The following RNF217 variants were observed in gnomAD, a reference collection of about 807,000 sequenced individuals.
RNF217 encodes E3 ubiquitin-protein ligase RNF217.
In RNF217, 31 loss-of-function variants were observed where a neutral mutation model predicts 57.8. That is an observed-to-expected ratio of 0.54 (90% CI 0.40 to 0.72). The LOEUF (loss-of-function observed/expected upper bound fraction) is 0.72, where lower values mean the gene tolerates loss of function less well. Ranked by LOEUF, RNF217 falls within the 30% of genes least tolerant of loss-of-function variation. The pLI is 0.00. For synonymous variants in RNF217, 313 were observed against 294.0 expected, an observed-to-expected ratio of 1.06 and a Z score of -0.66; for missense variants, 696 against 708.3, an observed-to-expected ratio of 0.98 and a Z score of 0.20.
At chr6:125,068,441 T>C (rs1385787000) in intron 3 of RNF217, among the ~76,000 whole-genome samples, 1 of 152,206 alleles carries the variant, frequency 6.6e-6, no homozygotes, top group East Asian at 1.9e-4. Context: ...ATCAAGCTCA[T>C]CTATTGAGTA....
At chr6:124,998,994 A>T (rs1352858462) in intron 1 of RNF217, among the ~76,000 whole-genome samples, 2 of 152,204 alleles carry the variant, frequency 1.3e-5, no homozygotes, top group Non-Finnish European at 2.9e-5. Flanking sequence ...TGTTTTCAAA[A>T]ATAGATACAT....
intron 1 of RNF217, among the ~76,000 whole-genome samples, chr6:124,984,843 C>T (rs928023503): frequency 2.1e-4 from 32 of 151,860 alleles, no homozygotes; most frequent in Non-Finnish European, 4.7e-4. Context: ...GCAAAGAATT[C>T]CTGCAGGGGG....
chr6:125,034,444 A>G (rs887396073), intron 1 of RNF217, among the ~76,000 whole-genome samples: 2 of 152,154 alleles, frequency 1.3e-5, no homozygotes, highest in Non-Finnish European at 2.9e-5. Flanking sequence ...ACCATTTATT[A>G]AATAGGGAAT....
chr6:125,092,502 T>C lies in RNF217; in HGVS notation c.*9565T>C, dbSNP rs1461045288. 6.6e-6 allele frequency: 1 copy of C among 152,214 alleles called. No homozygotes were observed. Among genetic ancestry groups the C allele is most frequent in the Non-Finnish European group, 1.5e-5 (1 of 68,030 alleles). 9.4% of individuals were successfully genotyped at this position (152,214 alleles called of 1,614,324 possible). A position where few individuals can be genotyped will look rare whatever the true frequency, so the allele number is the denominator to read the frequency against. ...ACTCGGATGAAAACTATAACGGTTT[T>C]CAAACTATTTTGATGGTCATTGTAC... is the stretch of plus-strand genomic sequence containing the variant. On this transcript the variant is annotated 3_prime_UTR_variant, in exon 6 of 6. Transcript: ENST00000521654.
chr6:124,986,543 A>C (rs1300728024), intron 1 of RNF217, among the ~76,000 whole-genome samples: 1 of 152,218 alleles, frequency 6.6e-6, no homozygotes, highest in African/African-American at 2.4e-5. Flanking sequence ...ATCATGCTTA[A>C]TCATTTCAAA....
intron 1 of RNF217, among the ~76,000 whole-genome samples, chr6:124,970,313 G>T (rs936753862): frequency 3.3e-5 from 5 of 152,188 alleles, no homozygotes; most frequent in South Asian, 2.1e-4. Context: ...AGACAATACA[G>T]TTCAGACTAG....
At chr6:124,974,025 A>G (rs1356165619) in intron 1 of RNF217, among the ~76,000 whole-genome samples, 1 of 152,184 alleles carries the variant, frequency 6.6e-6, no homozygotes, top group Non-Finnish European at 1.5e-5. Context: ...CCTTGACAAC[A>G]TGGCAGTCTC....
intron 1 of RNF217, among the ~76,000 whole-genome samples, chr6:125,026,359 A>T (rs967432285): frequency 4.6e-5 from 7 of 152,158 alleles, no homozygotes; most frequent in Admixed American, 2.6e-4. Flanking sequence ...TAGGGTCTTT[A>T]TCAGGAGTAA....
At chr6:125,053,482 A>T (rs1787405851) in intron 2 of RNF217, among the ~76,000 whole-genome samples, 1 of 152,114 alleles carries the variant, frequency 6.6e-6, no homozygotes, top group Non-Finnish European at 1.5e-5. Flanking sequence ...TACTTTACAC[A>T]TGGATGTTGT....
At chr6:125,046,384 G>A (rs913294026) in intron 2 of RNF217, among the ~76,000 whole-genome samples, 1 of 151,996 alleles carries the variant, frequency 6.6e-6, no homozygotes, top group Non-Finnish European at 1.5e-5. Context: ...TGAAACCAAG[G>A]CAACAACTGT....
At chr6:125,057,437 C>T (rs2114584426) in intron 2 of RNF217, among the ~76,000 whole-genome samples, 1 of 152,290 alleles carries the variant, frequency 6.6e-6, no homozygotes, top group South Asian at 2.1e-4. Context: ...CCGCCTCAGC[C>T]TCCCAAAGTG....
intron 5 of RNF217, chr6:125,082,629 A>G: frequency 6.4e-7 from 1 of 1,571,826 alleles, no homozygotes; most frequent in Non-Finnish European, 8.6e-7. Flanking sequence ...CAAAGTTTTG[A>G]TATTTGGATA....
At chr6:125,074,482 A>G (rs781565152) in intron 3 of RNF217, among the ~76,000 whole-genome samples, 3 of 152,216 alleles carry the variant, frequency 2.0e-5, no homozygotes, top group Non-Finnish European at 4.4e-5. Context: ...GTTCCATTAA[A>G]TTGCAGTTTT....
At chr6:125,001,828 A>C (rs546738984) in intron 1 of RNF217, among the ~76,000 whole-genome samples, 1 of 152,338 alleles carries the variant, frequency 6.6e-6, no homozygotes, top group South Asian at 2.1e-4. Context: ...GAGTGGAATG[A>C]TTCAAAGCAA....
At chr6:124,991,305 C>A (rs956990412) in intron 1 of RNF217, among the ~76,000 whole-genome samples, 1 of 152,196 alleles carries the variant, frequency 6.6e-6, no homozygotes, top group African/African-American at 2.4e-5. Flanking sequence ...TAGGACCTTT[C>A]CAGTAGCTGT....
chr6:125,036,196 G>A (rs1371460220), intron 1 of RNF217, among the ~76,000 whole-genome samples: 1 of 152,014 alleles, frequency 6.6e-6, no homozygotes, highest in Non-Finnish European at 1.5e-5. Context: ...CTGTTCCTGT[G>A]TTAGTTTGCT....
At chr6:125,060,828 C>G (rs1026745435) in intron 3 of RNF217, among the ~76,000 whole-genome samples, 1 of 152,100 alleles carries the variant, frequency 6.6e-6, no homozygotes. Context: ...AATATTCACC[C>G]AGAATTCTGC....
At chr6:125,045,689 G>A (rs1391981118) in intron 2 of RNF217, among the ~76,000 whole-genome samples, 1 of 151,988 alleles carries the variant, frequency 6.6e-6, no homozygotes, top group Non-Finnish European at 1.5e-5. Flanking sequence ...TAACCTTATA[G>A]GAAGGCTGAT....
intron 1 of RNF217, among the ~76,000 whole-genome samples, chr6:125,012,703 G>C (rs1392693896): frequency 6.6e-6 from 1 of 152,096 alleles, no homozygotes; most frequent in Non-Finnish European, 1.5e-5. Context: ...GGGAGTTAAA[G>C]TTATATTTTA....
Sources: gnomAD v4.1 joint callset for allele counts (sites outside exome capture counted in the v4.1 genomes callset) on GRCh38, gnomAD v4.1.1 for gene constraint, MANE v1.5 for transcripts, NCBI Gene and HGNC (gene_info 2026-07-23, HGNC 2026-07-21) for gene names.